The following HIF1A variants were observed in gnomAD, a reference collection of about 807,000 sequenced individuals.
The protein encoded by HIF1A is hypoxia-inducible factor 1-alpha.
Under a neutral mutation model 92.7 loss-of-function variants are expected in HIF1A, and 24 were observed. That is an observed-to-expected ratio of 0.26 (90% CI 0.19 to 0.36). HIF1A has a LOEUF of 0.36. Ranked by LOEUF, HIF1A falls within the 10% of genes least tolerant of loss-of-function variation. The pLI is 1.00. For missense variants in HIF1A, 799 were observed against 998.5 expected (o/e 0.80, Z 2.69); for synonymous variants, 319 against 338.7 (o/e 0.94, Z 0.64).
chr14:61,744,792 A>G lies in HIF1A; in HGVS notation c.2181A>G (p.Ser727=), dbSNP rs749137809. 3 of 1,580,026 alleles carry G rather than the reference A, an allele frequency of 1.9e-6. No homozygotes were observed. Among genetic ancestry groups the G allele is most frequent in the Middle Eastern group, 2.1e-4 (1 of 4,878 alleles). Residue 727 remains serine, a synonymous_variant, in exon 13 of 15, where the codon TCA becomes TCG. Transcript: ENST00000337138. ...AGCGAAAAATGGAACATGATGGTTC[A>G]CTTTTTCAAGCAGTAGGAATTGTAA... ...QRKRKMEHDG[S]LFQAVGIGTL...
In HIF1A at chr14:61,740,503, A is replaced by G; in HGVS notation, c.1537-2A>G. On this transcript the variant is annotated splice_acceptor_variant, in intron 10 of 14. Transcript: ENST00000337138. LOFTEE classifies it high-confidence loss of function. Reference sequence around the variant, plus strand: ...AAATAGTAAACATATTTCTTTTTACAGCCTAATAGTCCCAGTGAATATTGT... The same window carrying G: ...AAATAGTAAACATATTTCTTTTTACGGCCTAATAGTCCCAGTGAATATTGT... The G allele has an allele frequency of 6.4e-7, 1 of 1,557,370 alleles. No homozygotes were observed. Among genetic ancestry groups the G allele is most frequent in the Non-Finnish European group, 8.7e-7 (1 of 1,150,894 alleles).
intron 6 of HIF1A, among the ~76,000 whole-genome samples, chr14:61,728,327 CA>C (rs1201115475): frequency 6.6e-6 from 1 of 152,210 alleles, no homozygotes. Flanking sequence ...CTTCATCCTA[CA>C]TATTTTCCCT....
Position 61,747,069 on chromosome 14 carries a change from T to C in HIF1A, c.2465T>C (p.Leu822Ser). The C allele has an allele frequency of 6.2e-7, 1 of 1,609,396 alleles. No individual in the cohort carries two copies. The highest frequency in any genetic ancestry group is 8.5e-7 in the Non-Finnish European group (1 of 1,178,882). The change falls in exon 15 of 15, where the codon TTG (leucine) becomes TCG (serine). Residue 822 changes from leucine (L) to serine (S), a missense_variant. Around this residue, in one of 2 missense-constraint regions of HIF1A, gnomAD observed 283 missense variants for 277.5 expected, o/e 1.02. Coordinates refer to ENST00000337138, the MANE Select transcript of HIF1A (RefSeq NM_001530.4). ...CAGGGTGAAGAATTACTCAGAGCTTTGGATCAAGTTAACTGAGCTTTTTCT... is the reference window on the plus strand; with the variant it reads ...CAGGGTGAAGAATTACTCAGAGCTTCGGATCAAGTTAACTGAGCTTTTTCT... ...LLQGEELLRALDQVN is the reference protein window; with the variant it reads ...LLQGEELLRASDQVN
chr14:61,697,781 G>A, intron 1 of HIF1A: 1 of 1,445,452 alleles, frequency 6.9e-7, no homozygotes, highest in South Asian at 1.5e-5. Flanking sequence ...CTAATTTACA[G>A]TTTTTTGAAA....
intron 6 of HIF1A, among the ~76,000 whole-genome samples, chr14:61,729,117 G>GCCC (rs951674837): frequency 1.3e-5 from 2 of 152,100 alleles, no homozygotes; most frequent in Non-Finnish European, 2.9e-5. Context: ...TTACAATGTG[G>GCCC]CCTTGGCCTT....
At chr14:61,745,641 T>A (rs1566579754) in intron 13 of HIF1A, 50 bp from the exon 14 acceptor site, 6 of 1,433,980 alleles carry the variant, frequency 4.2e-6, no homozygotes, top group Admixed American at 1.9e-5. Flanking sequence ...TTTGGTTGTT[T>A]AAAAAAAAAA....
chr14:61,710,998 G>GGC, intron 1 of HIF1A, among the ~76,000 whole-genome samples: 1 of 150,252 alleles, frequency 6.7e-6, no homozygotes, highest in East Asian at 1.9e-4. Context: ...AGTGAGCGGA[G>GGC]ATCGCACCAC....
intron 1 of HIF1A, among the ~76,000 whole-genome samples, chr14:61,711,034 C>A (rs571270479): frequency 5.0e-5 from 6 of 120,672 alleles, no homozygotes; most frequent in Non-Finnish European, 8.3e-5. Context: ...GGCAACAGTG[C>A]GAGACTCTGT....
intron 12 of HIF1A, among the ~76,000 whole-genome samples, chr14:61,741,825 A>T (rs1358918326): frequency 6.6e-6 from 1 of 152,098 alleles, no homozygotes. Flanking sequence ...CTAGTTAACT[A>T]CCCTCACTAC....
At chr14:61,713,357 C>A (rs770746341) in intron 1 of HIF1A, among the ~76,000 whole-genome samples, 1 of 152,110 alleles carries the variant, frequency 6.6e-6, no homozygotes, top group Non-Finnish European at 1.5e-5. Context: ...CCCAAACTTA[C>A]GTATCATATG....
chr14:61,699,522 G>A (rs1012952672), intron 1 of HIF1A, among the ~76,000 whole-genome samples: 2 of 151,534 alleles, frequency 1.3e-5, no homozygotes, highest in African/African-American at 4.9e-5. Context: ...AAATTGATGT[G>A]CATGGATGTT....
intron 1 of HIF1A, among the ~76,000 whole-genome samples, chr14:61,718,475 C>G (rs984629080): frequency 1.2e-4 from 18 of 148,708 alleles, no homozygotes; most frequent in Non-Finnish European, 2.6e-4. Flanking sequence ...TGCTAGATAC[C>G]CCCCCATCCT....
intron 1 of HIF1A, among the ~76,000 whole-genome samples, chr14:61,706,263 T>A (rs889965002): frequency 2.6e-5 from 4 of 152,194 alleles, no homozygotes; most frequent in Non-Finnish European, 4.4e-5. Context: ...CTCTTGAATG[T>A]TTGTGACATT....
Position 61,695,575 on chromosome 14 carries a change from T to C in HIF1A, c.-230T>C. On this transcript the variant is annotated 5_prime_UTR_variant, in exon 1 of 15. Coordinates refer to ENST00000337138, the MANE Select transcript of HIF1A (RefSeq NM_001530.4). The stretch of plus-strand genomic sequence containing the variant: ...TCACCCTCTTCGTCGCTTCGGCCAG[T>C]GTGTCGGGCTGGGCCCTGACAAGCC... 1.7e-6 allele frequency: 1 copy of C among 583,596 alleles called. No individual in the cohort carries two copies. Among genetic ancestry groups the C allele is most frequent in the Non-Finnish European group, 3.0e-6 (1 of 329,462 alleles). The allele number at this position is 583,596 out of a possible 1,614,324, so 36.2% of individuals were successfully genotyped here. A position where few individuals can be genotyped will look rare whatever the true frequency, so the allele number is the denominator to read the frequency against.
At chr14:61,712,324 C>T (rs550054078) in intron 1 of HIF1A, among the ~76,000 whole-genome samples, 1 of 151,968 alleles carries the variant, frequency 6.6e-6, no homozygotes, top group South Asian at 2.1e-4. Context: ...ATGGTTAGAA[C>T]AGAATGAGCA....
chr14:61,725,823 T>C (rs2044496316), intron 4 of HIF1A, among the ~76,000 whole-genome samples: 1 of 151,816 alleles, frequency 6.6e-6, no homozygotes, highest in South Asian at 2.1e-4. Context: ...TTTATTTCTG[T>C]AGCTTTTTTT....
chr14:61,732,564 T>A (rs1193925610), intron 7 of HIF1A, 40 bp downstream of exon 7: 2 of 1,252,432 alleles, frequency 1.6e-6, no homozygotes, highest in East Asian at 4.6e-5. Context: ...TCTAATTACT[T>A]AACTGTTGCA....
intron 1 of HIF1A, among the ~76,000 whole-genome samples, chr14:61,708,988 C>G (rs2044277009): frequency 6.6e-6 from 1 of 152,184 alleles, no homozygotes; most frequent in Non-Finnish European, 1.5e-5. Context: ...ACCTCCATCT[C>G]CCAGGTTCAG....
chr14:61,714,383 A>G (rs1052730563), intron 1 of HIF1A, among the ~76,000 whole-genome samples: 11 of 152,218 alleles, frequency 7.2e-5, no homozygotes, highest in African/African-American at 2.7e-4. Flanking sequence ...GTTTGCTGGT[A>G]TTTCAGTTCC....
Sources: allele counts gnomAD v4.1 joint callset (sites outside exome capture counted in the v4.1 genomes callset), GRCh38; gene constraint gnomAD v4.1.1; regional missense constraint gnomAD v4.1.1; transcripts MANE v1.5; gene names NCBI Gene and HGNC (gene_info 2026-07-23, HGNC 2026-07-21).